The following TMEM132D variants were observed in gnomAD, a reference collection of about 807,000 sequenced individuals.
The protein encoded by TMEM132D is transmembrane protein 132D, also known as mature OL transmembrane protein.
In TMEM132D, 21 loss-of-function variants were observed where a neutral mutation model predicts 62.3. The ratio of observed to expected loss-of-function variants is 0.34; its 90% confidence interval spans 0.24 to 0.49. The LOEUF (loss-of-function observed/expected upper bound fraction) is 0.49. TMEM132D is among the 20% of genes least tolerant of loss of function. The pLI is 0.99. For missense variants in TMEM132D, 1,346 were observed against 1,402.8 expected (o/e 0.96, Z 0.65); for synonymous variants, 621 against 575.6 (o/e 1.08, Z -1.13).
At chr12:129,308,288 A>G (rs759131252) in intron 4 of TMEM132D, among the ~76,000 whole-genome samples, 23 of 152,156 alleles carry the variant, frequency 1.5e-4, no homozygotes, top group Admixed American at 3.3e-4. Context: ...TGCTCACTCC[A>G]TGGGAGTGGG....
rs1290925915 is a variant in TMEM132D at position 129,091,278 on chromosome 12, C to T, written c.1444-6576G>A. Reference sequence around the variant, plus strand: ...TTCCCCTGGGCTCTGGGGACCCTTCCTAAACTCACATGGTCTCTGGGGACC... The same window carrying T: ...TTCCCCTGGGCTCTGGGGACCCTTCTTAAACTCACATGGTCTCTGGGGACC... On this transcript the variant is annotated intron_variant, in intron 5 of 8. Transcript: ENST00000422113. Among the ~76,000 whole-genome samples the T allele has an allele frequency of 3.3e-5, 5 of 151,188 alleles. No homozygotes were observed. In the East Asian group the frequency reaches 9.8e-4, roughly 30 times the overall value.
intron 4 of TMEM132D, among the ~76,000 whole-genome samples, chr12:129,265,386 G>T (rs1040714172): frequency 6.6e-6 from 1 of 152,152 alleles, no homozygotes; most frequent in Non-Finnish European, 1.5e-5. Context: ...CTTGAAAATG[G>T]GCAAAATGTG....
intron 2 of TMEM132D, among the ~76,000 whole-genome samples, chr12:129,640,222 G>A (rs1026328542): frequency 2.6e-5 from 4 of 152,048 alleles, no homozygotes; most frequent in Admixed American, 6.5e-5. Flanking sequence ...AATATATTAG[G>A]TTCTCCAGGC....
chr12:129,814,793 T>C (rs1274730967), intron 1 of TMEM132D, among the ~76,000 whole-genome samples: 1 of 152,008 alleles, frequency 6.6e-6, no homozygotes, highest in Admixed American at 6.6e-5. Flanking sequence ...ACTGAGCTTT[T>C]CCTCCTCCCA....
chr12:129,592,514 AAT>A (rs1420603100), intron 2 of TMEM132D, among the ~76,000 whole-genome samples: 1 of 152,226 alleles, frequency 6.6e-6, no homozygotes. Context: ...ACACACATAC[AAT>A]ATGATATGTG....
chr12:129,853,005 A>G (rs1019312415), intron 1 of TMEM132D: 1 of 152,214 alleles, frequency 6.6e-6, no homozygotes, highest in Non-Finnish European at 1.5e-5. Context: ...CACTGCCACG[A>G]AACTCCAGTG....
rs535874885 is a variant in TMEM132D at position 129,669,483 on chromosome 12, T to C, written c.968+30327A>G. On this transcript the variant is annotated intron_variant, in intron 2 of 8. Transcript: ENST00000422113. ...ACTCTGAGAGGCCGAGGTGGGCAGA[T>C]CACCTGAGATCAGGAGTTCGAGACC... 2.0e-5 allele frequency among the ~76,000 whole-genome samples: 3 copies of C among 152,252 alleles called. No homozygotes were observed. The South Asian group carries it at 6.2e-4, about 32-fold the overall frequency.
At chr12:129,400,860 C>T (rs1011863559) in intron 3 of TMEM132D, among the ~76,000 whole-genome samples, 2 of 152,082 alleles carry the variant, frequency 1.3e-5, no homozygotes, top group Non-Finnish European at 2.9e-5. Flanking sequence ...AAATGTGAGT[C>T]ATATCACGTT....
Position 129,542,875 on chromosome 12 carries a change from T to C in TMEM132D, c.969-11670A>G, listed in dbSNP as rs116343912. Among the ~76,000 whole-genome samples the C allele has an allele frequency of 4.8e-3, 727 of 152,190 alleles. 8 individuals are homozygous for C. Among genetic ancestry groups the C allele is most frequent in the African/African-American group, 0.017 (696 of 41,516 alleles). ...TGTTTAGACACACAGATATTTACCA[T>C]TGTGTTACAGTTACCTATAGTTTTA... On this transcript the variant is annotated intron_variant, in intron 2 of 8. Transcript: ENST00000422113.
intron 3 of TMEM132D, among the ~76,000 whole-genome samples, chr12:129,501,203 A>C (rs1216082970): frequency 6.6e-6 from 1 of 152,206 alleles, no homozygotes; most frequent in Non-Finnish European, 1.5e-5. Context: ...AAAGCATTTC[A>C]CAGAGATTGA....
chr12:129,110,208 C>G (rs897972743), intron 5 of TMEM132D: 4 of 152,296 alleles, frequency 2.6e-5, no homozygotes, highest in African/African-American at 7.2e-5. Context: ...AACTGCAGTC[C>G]TCAATTAATC....
chr12:129,379,826 T>C (rs1255224848), intron 3 of TMEM132D, among the ~76,000 whole-genome samples: 2 of 152,200 alleles, frequency 1.3e-5, no homozygotes, highest in Non-Finnish European at 2.9e-5. Context: ...AGAATCCTTT[T>C]CACAAAATGC....
chr12:129,380,352 T>C (rs1264863035), intron 3 of TMEM132D, among the ~76,000 whole-genome samples: 2 of 152,226 alleles, frequency 1.3e-5, no homozygotes, highest in African/African-American at 4.8e-5. Context: ...ATCATATTGA[T>C]AATTAAGTTT....
intron 4 of TMEM132D, among the ~76,000 whole-genome samples, chr12:129,328,347 T>G (rs144235508): frequency 2.8e-4 from 43 of 152,370 alleles, no homozygotes; most frequent in African/African-American, 9.6e-4. Flanking sequence ...GCTTTTCAAA[T>G]GGACTGTGCT....
intron 2 of TMEM132D, among the ~76,000 whole-genome samples, chr12:129,676,438 A>G (rs190216548): frequency 6.6e-6 from 1 of 152,310 alleles, no homozygotes; most frequent in East Asian, 1.9e-4. Flanking sequence ...GACACTGGGT[A>G]GTTTATAAAG....
Position 129,599,763 on chromosome 12 carries a change from G to A in TMEM132D, c.969-68558C>T, listed in dbSNP as rs185024941. 6.1e-4 allele frequency among the ~76,000 whole-genome samples: 93 copies of A among 152,302 alleles called. 1 individual carries two copies. The highest frequency in any genetic ancestry group is 3.4e-3 in the Middle Eastern group (1 of 294). ...CATATACAAGTTACATTTACACAAT[G>A]CTGTTGTCTAGCAAATGTACAACAA... On this transcript the variant is annotated intron_variant, in intron 2 of 8. Coordinates refer to ENST00000422113, the MANE Select transcript of TMEM132D (RefSeq NM_133448.3).
intron 2 of TMEM132D, among the ~76,000 whole-genome samples, chr12:129,549,990 T>C (rs1394101771): frequency 6.6e-6 from 1 of 152,180 alleles, no homozygotes; most frequent in Non-Finnish European, 1.5e-5. Context: ...AAACTGTGTC[T>C]TAGGAAAACC....
intron 2 of TMEM132D, among the ~76,000 whole-genome samples, chr12:129,574,589 C>T (rs918233921): frequency 4.0e-5 from 6 of 151,894 alleles, no homozygotes; most frequent in African/African-American, 1.5e-4. Context: ...TGGTTAGGAG[C>T]ACAGGGGTGA....
At chr12:129,496,021 C>T (rs1038131888) in intron 3 of TMEM132D, among the ~76,000 whole-genome samples, 3 of 152,180 alleles carry the variant, frequency 2.0e-5, no homozygotes, top group South Asian at 2.1e-4. Context: ...AAGAGAACCT[C>T]GCACCCTTTT....
Sources: gnomAD v4.1 joint callset for allele counts (sites outside exome capture counted in the v4.1 genomes callset) on GRCh38, gnomAD v4.1.1 for gene constraint, MANE v1.5 for transcripts, NCBI Gene and HGNC (gene_info 2026-07-23, HGNC 2026-07-21) for gene names.